Variants in MDGA2 observed in about 807,000 individuals in gnomAD.
MDGA2 encodes the protein MAM domain containing glycosylphosphatidylinositol anchor 2.
MDGA2 carries 40 observed loss-of-function variants against 117.8 expected under a neutral mutation model. The ratio of observed to expected loss-of-function variants is 0.34; its 90% CI spans 0.26 to 0.44. The LOEUF (loss-of-function observed/expected upper bound fraction) is 0.44. Among genes scored for constraint, MDGA2 ranks in the 20% least tolerant of loss-of-function variants. The pLI, the probability that MDGA2 is intolerant of heterozygous loss-of-function variation, is 1.00. For synonymous variants in MDGA2, 452 were observed against 439.0 expected (o/e 1.03, Z -0.37); for missense variants, 1,123 against 1,250.6 (o/e 0.90, Z 1.54).
chr14:47,193,382 T>C (rs949454598), intron 3 of MDGA2, among the ~76,000 whole-genome samples: 5 of 152,174 alleles, frequency 3.3e-5, no homozygotes, highest in African/African-American at 1.2e-4. Context: ...GTCTCATAGA[T>C]AGAGTAGATT....
chr14:47,064,487 G>A (rs1425104078), intron 6 of MDGA2, among the ~76,000 whole-genome samples: 6 of 152,104 alleles, frequency 3.9e-5, no homozygotes, highest in Non-Finnish European at 7.4e-5. Context: ...TATAGTAACA[G>A]AGGACAGAGA....
intron 1 of MDGA2, among the ~76,000 whole-genome samples, chr14:47,335,177 C>G (rs1010680844): frequency 6.7e-6 from 1 of 150,158 alleles, no homozygotes; most frequent in Non-Finnish European, 1.5e-5. Context: ...AAAATTCTTG[C>G]CTTTGTAATT....
At chr14:47,547,166 G>C (rs1895479327) in intron 1 of MDGA2, among the ~76,000 whole-genome samples, 1 of 152,060 alleles carries the variant, frequency 6.6e-6, no homozygotes, top group East Asian at 1.9e-4. Context: ...TTATTGATAA[G>C]ACAGTGACAG....
intron 15 of MDGA2, among the ~76,000 whole-genome samples, chr14:46,852,573 A>C (rs1224006206): frequency 6.6e-6 from 1 of 151,932 alleles, no homozygotes; most frequent in Non-Finnish European, 1.5e-5. Context: ...TGATCAGGAC[A>C]TGAAATGAGC....
chr14:47,641,287 T>C (rs1302215001), intron 1 of MDGA2, among the ~76,000 whole-genome samples: 2 of 151,782 alleles, frequency 1.3e-5, no homozygotes, highest in East Asian at 3.9e-4. Context: ...GGTTCCTTAG[T>C]CAAGTATATG....
Position 46,915,266 on chromosome 14 carries a change from C to T in MDGA2, c.2238+4746G>A, listed in dbSNP as rs191002752. Among the ~76,000 whole-genome samples the T allele has an allele frequency of 3.6e-3, 548 of 152,188 alleles. 2 individuals are homozygous for T. Among genetic ancestry groups the T allele is most frequent in the African/African-American group, 0.013 (524 of 41,534 alleles). On this transcript the variant is annotated intron_variant, in intron 10 of 16. Transcript: ENST00000399232. ...TAAGATAATATTGATATTTAAATGT[C>T]AATGCCTGGTAAAGGAGAAATTTAA...
At chr14:47,140,536 G>A (rs972864068) in intron 4 of MDGA2, among the ~76,000 whole-genome samples, 1 of 152,024 alleles carries the variant, frequency 6.6e-6, no homozygotes, top group Non-Finnish European at 1.5e-5. Flanking sequence ...CACACTTACA[G>A]CCAATGAATT....
chr14:46,990,861 C>G (rs1453786451), intron 8 of MDGA2, among the ~76,000 whole-genome samples: 1 of 58,786 alleles, frequency 1.7e-5, no homozygotes, highest in African/African-American at 6.4e-5. Flanking sequence ...AGAACACACA[C>G]ACACCCACAC....
At chr14:47,582,786 A>G (rs1242943174) in intron 1 of MDGA2, among the ~76,000 whole-genome samples, 1 of 151,884 alleles carries the variant, frequency 6.6e-6, no homozygotes, top group Non-Finnish European at 1.5e-5. Flanking sequence ...TATATTCTCA[A>G]TAAAATTGTA....
At chr14:47,497,062 T>A (rs1894296658) in intron 1 of MDGA2, among the ~76,000 whole-genome samples, 2 of 152,048 alleles carry the variant, frequency 1.3e-5, no homozygotes, top group South Asian at 4.2e-4. Context: ...GCTGCTCACC[T>A]CCTGCTGTGT....
At chr14:47,263,223 T>C (rs528135543) in intron 2 of MDGA2, among the ~76,000 whole-genome samples, 1 of 152,210 alleles carries the variant, frequency 6.6e-6, no homozygotes, top group African/African-American at 2.4e-5. Context: ...CTCCTTTATG[T>C]TTTCATGTCT....
intron 2 of MDGA2, among the ~76,000 whole-genome samples, chr14:47,237,411 A>C (rs1886900463): frequency 6.6e-6 from 1 of 152,196 alleles, no homozygotes. Flanking sequence ...ACAATGCAGT[A>C]GAAATGATTC....
intron 1 of MDGA2, among the ~76,000 whole-genome samples, chr14:47,617,053 T>C (rs1161729817): frequency 6.6e-6 from 1 of 152,178 alleles, no homozygotes; most frequent in East Asian, 1.9e-4. Flanking sequence ...AGAGCACCAC[T>C]GTTGGTATGA....
chr14:47,175,689 TATC>T (rs1467246705), intron 3 of MDGA2, among the ~76,000 whole-genome samples: 11 of 149,690 alleles, frequency 7.3e-5, no homozygotes, highest in Non-Finnish European at 1.5e-4. Context: ...CCACAGCCAA[TATC>T]ATACTGAATG....
chr14:47,358,547 TC>T (rs1891045351), intron 1 of MDGA2, among the ~76,000 whole-genome samples: 1 of 152,126 alleles, frequency 6.6e-6, no homozygotes, highest in Non-Finnish European at 1.5e-5. Context: ...GAAGACATGA[TC>T]CTATACGTAG....
intron 1 of MDGA2, among the ~76,000 whole-genome samples, chr14:47,365,571 A>C (rs1199393061): frequency 1.3e-5 from 2 of 152,364 alleles, no homozygotes; most frequent in East Asian, 3.9e-4. Context: ...ACATTTCTCA[A>C]ACTGATAAGG....
intron 11 of MDGA2, among the ~76,000 whole-genome samples, chr14:46,878,428 T>C (rs999325272): frequency 2.6e-5 from 4 of 152,056 alleles, no homozygotes; most frequent in African/African-American, 9.6e-5. Context: ...GCAGAACTTA[T>C]CTGATTTGTC....
intron 4 of MDGA2, among the ~76,000 whole-genome samples, chr14:47,136,656 C>T (rs1394949454): frequency 1.3e-5 from 2 of 152,062 alleles, no homozygotes; most frequent in Non-Finnish European, 1.5e-5. Context: ...TTATCATTTA[C>T]ATTATGTCTA....
intron 3 of MDGA2, chr14:47,200,493 T>C: frequency 1.8e-6 from 1 of 552,594 alleles, no homozygotes. Flanking sequence ...ATGCAACCAC[T>C]TCCCTTTTTC....
Sources: gnomAD v4.1 joint callset for allele counts (sites outside exome capture counted in the v4.1 genomes callset) on GRCh38, gnomAD v4.1.1 for gene constraint, MANE v1.5 for transcripts, NCBI Gene and HGNC (gene_info 2026-07-23, HGNC 2026-07-21) for gene names.